The following AGBL4 variants were observed in gnomAD, a reference collection of about 807,000 sequenced individuals.
AGBL4 encodes the protein AGBL carboxypeptidase 4, also known as cytosolic carboxypeptidase 6.
A neutral mutation model predicts 66.4 loss-of-function variants in AGBL4; 58 were observed. That is an observed-to-expected ratio of 0.87 (90% confidence interval 0.71 to 1.09). The LOEUF (loss-of-function observed/expected upper bound fraction) is 1.09, where lower values mean the gene tolerates loss of function less well. Among genes scored for constraint, AGBL4 ranks in the 50% least tolerant of loss-of-function variants. The probability of loss-of-function intolerance (pLI) is 0.00; values close to 1 mark genes in which losing one functional copy is unlikely to be tolerated. For synonymous variants in AGBL4, 234 were observed against 222.9 expected, an observed-to-expected ratio of 1.05 and a Z score of -0.44; for missense variants, 579 against 631.0, an observed-to-expected ratio of 0.92 and a Z score of 0.88.
At chr1:49,860,546 A>T (rs1459916452) in intron 1 of AGBL4, among the ~76,000 whole-genome samples, 1 of 152,174 alleles carries the variant, frequency 6.6e-6, no homozygotes, top group Non-Finnish European at 1.5e-5. Context: ...AAAAATTTTA[A>T]AAGTTAGCTG....
intron 3 of AGBL4, among the ~76,000 whole-genome samples, chr1:49,612,644 C>T (rs1645176288): frequency 6.6e-6 from 1 of 152,132 alleles, no homozygotes; most frequent in Non-Finnish European, 1.5e-5. Flanking sequence ...CATCACTAAA[C>T]ATTAGAGAAA....
intron 3 of AGBL4, among the ~76,000 whole-genome samples, chr1:49,446,358 T>C (rs183674854): frequency 3.9e-5 from 6 of 152,304 alleles, no homozygotes; most frequent in Admixed American, 3.3e-4. Flanking sequence ...ATCCTGAGAA[T>C]GTATCTGTGG....
At chr1:49,642,185 A>G (rs1187979512) in intron 3 of AGBL4, among the ~76,000 whole-genome samples, 1 of 152,084 alleles carries the variant, frequency 6.6e-6, no homozygotes, top group African/African-American at 2.4e-5. Flanking sequence ...AGAGTGAGGA[A>G]GACATCTTCC....
intron 3 of AGBL4, among the ~76,000 whole-genome samples, chr1:49,484,920 A>G (rs1647032237): frequency 6.6e-6 from 1 of 151,930 alleles, no homozygotes; most frequent in South Asian, 2.1e-4. Flanking sequence ...AAATCTTTAT[A>G]AATGTAAAAG....
At chr1:49,068,708 T>C (rs1644540142) in intron 4 of AGBL4, among the ~76,000 whole-genome samples, 1 of 152,332 alleles carries the variant, frequency 6.6e-6, no homozygotes. Context: ...CATGTGTCTT[T>C]ATAGTAGAAT....
intron 4 of AGBL4, among the ~76,000 whole-genome samples, chr1:49,162,607 C>A (rs1200801370): frequency 6.6e-6 from 1 of 152,120 alleles, no homozygotes; most frequent in Non-Finnish European, 1.5e-5. Flanking sequence ...TCTGCCATTC[C>A]AGTCAAACCA....
chr1:48,646,556 C>G (rs1450421366), intron 8 of AGBL4, among the ~76,000 whole-genome samples: 1 of 46,364 alleles, frequency 2.2e-5, no homozygotes, highest in African/African-American at 6.7e-5. Context: ...TGTGTGTGTG[C>G]TGGTGCTGGA....
At chr1:49,569,645 G>C (rs926087208) in intron 3 of AGBL4, among the ~76,000 whole-genome samples, 1 of 152,056 alleles carries the variant, frequency 6.6e-6, no homozygotes, top group Non-Finnish European at 1.5e-5. Flanking sequence ...CCCATAGATT[G>C]CATATGGATC....
intron 4 of AGBL4, among the ~76,000 whole-genome samples, chr1:49,115,418 G>A (rs1645498124): frequency 6.6e-6 from 1 of 152,166 alleles, no homozygotes; most frequent in Non-Finnish European, 1.5e-5. Flanking sequence ...GACATGCTCA[G>A]AAAATGTACT....
chr1:48,867,534 A>G (rs1344642274), intron 5 of AGBL4, among the ~76,000 whole-genome samples: 1 of 152,156 alleles, frequency 6.6e-6, no homozygotes, highest in African/African-American at 2.4e-5. Flanking sequence ...AGAGCCACAG[A>G]GAAGGTCCCT....
chr1:49,923,779 A>C (rs1652496891), intron 1 of AGBL4, among the ~76,000 whole-genome samples: 1 of 152,218 alleles, frequency 6.6e-6, no homozygotes, highest in Non-Finnish European at 1.5e-5. Context: ...ATTTCACACC[A>C]GTCAGAATAG....
chr1:49,083,577 G>GGCCC (rs1644845485), intron 4 of AGBL4, among the ~76,000 whole-genome samples: 1 of 152,156 alleles, frequency 6.6e-6, no homozygotes, highest in African/African-American at 2.4e-5. Flanking sequence ...GGGGGCCCTG[G>GGCCC]GCCCAGCCCA....
chr1:49,527,118 C>CA (rs1350897496), intron 3 of AGBL4: 1 of 152,086 alleles, frequency 6.6e-6, no homozygotes, highest in Non-Finnish European at 1.5e-5. Flanking sequence ...CCTTGACTAC[C>CA]AGACGCTCAC....
At chr1:50,016,568 TAATA>T (rs980751897) in intron 1 of AGBL4, among the ~76,000 whole-genome samples, 40 of 152,026 alleles carry the variant, frequency 2.6e-4, no homozygotes, top group African/African-American at 9.4e-4. Flanking sequence ...TCTCAAAAAA[TAATA>T]AATAAAAATA....
chr1:48,778,742 A>G (rs1645205714), intron 6 of AGBL4, among the ~76,000 whole-genome samples: 1 of 152,226 alleles, frequency 6.6e-6, no homozygotes, highest in Non-Finnish European at 1.5e-5. Context: ...AAATCAAAGC[A>G]CTGTGCTCAT....
chr1:49,426,007 C>CA (rs1449300336), intron 3 of AGBL4, among the ~76,000 whole-genome samples: 3 of 152,090 alleles, frequency 2.0e-5, no homozygotes, highest in African/African-American at 7.2e-5. Flanking sequence ...AACAGATGAG[C>CA]TAATAGTTGT....
intron 1 of AGBL4, among the ~76,000 whole-genome samples, chr1:49,877,068 TG>T (rs1647033462): frequency 6.6e-6 from 1 of 151,676 alleles, no homozygotes; most frequent in South Asian, 2.1e-4. Context: ...GCTGAGACGA[TG>T]GGGTTTTCTA....
chr1:49,204,932 C>T (rs571837251), intron 4 of AGBL4, among the ~76,000 whole-genome samples: 1 of 152,136 alleles, frequency 6.6e-6, no homozygotes, highest in South Asian at 2.1e-4. Flanking sequence ...AAATGATTGC[C>T]CAGGGTCATA....
chr1:49,313,993 G>A (rs1347232900), intron 3 of AGBL4, among the ~76,000 whole-genome samples: 1 of 152,102 alleles, frequency 6.6e-6, no homozygotes, highest in Non-Finnish European at 1.5e-5. Context: ...GGGTTTTCAT[G>A]GTTTTAGGTC....
Sources: gnomAD v4.1 joint callset for allele counts (sites outside exome capture counted in the v4.1 genomes callset) on GRCh38, gnomAD v4.1.1 for gene constraint, MANE v1.5 for transcripts, NCBI Gene and HGNC (gene_info 2026-07-23, HGNC 2026-07-21) for gene names.